Variants in MALRD1 observed in about 807,000 individuals in gnomAD.
MALRD1 encodes MAM and LDL-receptor class A domain-containing protein 1.
A neutral mutation model predicts 242.1 loss-of-function variants in MALRD1; 247 were observed. The observed-to-expected ratio is 1.02, with a 90% CI of 0.92 to 1.13. The LOEUF (loss-of-function observed/expected upper bound fraction) is 1.13. Ranked by LOEUF, MALRD1 falls within the 50% of genes most tolerant of loss-of-function variation. The pLI, the probability that MALRD1 is intolerant of heterozygous loss-of-function variation, is 0.00. For synonymous variants in MALRD1, 995 were observed against 866.6 expected, an observed-to-expected ratio of 1.15 and a Z score of -2.60; for missense variants, 2,989 against 2,533.1, an observed-to-expected ratio of 1.18 and a Z score of -3.86.
intron 33 of MALRD1, among the ~76,000 whole-genome samples, chr10:19,569,133 A>C (rs1836391414): frequency 6.6e-6 from 1 of 152,126 alleles, no homozygotes; most frequent in African/African-American, 2.4e-5. Flanking sequence ...TTCTGCCATA[A>C]TGGCTTTAAT....
intron 18 of MALRD1, among the ~76,000 whole-genome samples, chr10:19,232,702 C>T (rs748046658): frequency 6.6e-6 from 1 of 152,112 alleles, no homozygotes. Flanking sequence ...GAATAGAGAA[C>T]AATTTCATAT....
intron 12 of MALRD1, among the ~76,000 whole-genome samples, chr10:19,165,265 A>ATATATATATATATATATATATATTTTTT: frequency 4.6e-5 from 6 of 130,304 alleles, no homozygotes; most frequent in African/African-American, 1.6e-4. Context: ...ATATATATAT[A>ATATATATATATATATATATATATTTTTT]TTTTGTTTTG....
In MALRD1 at chr10:19,134,057, T is replaced by C. The variant is rs148775807; in HGVS notation, c.1203+109T>C. ...GTTAAATTAGCAGTTAAGTTAGGGA[T>C]GCGTGCTTGTATATTTGGGGAGAGT... On this transcript the variant is annotated intron_variant, in intron 9 of 39. Transcript: ENST00000454679. The C allele has an allele frequency of 3.7e-3, 1,597 of 434,832 alleles. 45 individuals are homozygous for C. In the East Asian group the frequency reaches 0.052, roughly 14 times the overall value. 26.9% of individuals were successfully genotyped at this position (434,832 alleles called of 1,614,324 possible).
chr10:19,625,520 G>C (rs562599349), intron 36 of MALRD1, among the ~76,000 whole-genome samples: 1 of 151,922 alleles, frequency 6.6e-6, no homozygotes, highest in Non-Finnish European at 1.5e-5. Flanking sequence ...TGCAGTGTAC[G>C]AAAAAGGAAA....
At chr10:19,702,636 A>G (rs1206591576) in intron 38 of MALRD1, among the ~76,000 whole-genome samples, 1 of 152,232 alleles carries the variant, frequency 6.6e-6, no homozygotes, top group African/African-American at 2.4e-5. Context: ...TCCATTGATT[A>G]CATCCACATA....
At chr10:19,286,118 T>C (rs899394481) in intron 21 of MALRD1, among the ~76,000 whole-genome samples, 3 of 135,736 alleles carry the variant, frequency 2.2e-5, no homozygotes, top group Non-Finnish European at 4.7e-5. Flanking sequence ...CCTGAGACTT[T>C]GCTGAAGTTG....
At chr10:19,561,795 T>A (rs931878077) in intron 32 of MALRD1, among the ~76,000 whole-genome samples, 1 of 151,954 alleles carries the variant, frequency 6.6e-6, no homozygotes, top group Admixed American at 6.6e-5. Flanking sequence ...TTCTCCCCCA[T>A]GGAGAACTAG....
At chr10:19,465,477 G>A (rs1236523823) in intron 29 of MALRD1, among the ~76,000 whole-genome samples, 1 of 152,112 alleles carries the variant, frequency 6.6e-6, no homozygotes, top group Non-Finnish European at 1.5e-5. Context: ...TCTTAGGGCT[G>A]TTTCTTCACA....
intron 13 of MALRD1, among the ~76,000 whole-genome samples, chr10:19,169,834 A>G (rs1053540699): frequency 2.6e-5 from 4 of 152,202 alleles, no homozygotes; most frequent in Non-Finnish European, 4.4e-5. Flanking sequence ...TGAGTCATTT[A>G]AGGGTGACCT....
intron 26 of MALRD1, among the ~76,000 whole-genome samples, chr10:19,381,997 G>C (rs1002704000): frequency 1.3e-5 from 2 of 152,052 alleles, no homozygotes; most frequent in Non-Finnish European, 2.9e-5. Context: ...TACGAAATTT[G>C]TATGTGTATA....
rs76615200 is a variant in MALRD1 at position 19,470,234 on chromosome 10, T to C, written c.5029+19744T>C. Among the ~76,000 whole-genome samples the C allele has an allele frequency of 4.7e-3, 713 of 152,096 alleles. 7 individuals carry two copies. Among genetic ancestry groups the C allele is most frequent in the Non-Finnish European group, 6.0e-3 (406 of 67,856 alleles). On this transcript the variant is annotated intron_variant, in intron 29 of 39. Transcript: ENST00000454679. ...TGTCTGGCATATTTCACTTAGCTAA[T>C]ACCTTCCAGAGTCACCCATGTTGTC...
chr10:19,476,651 G>A (rs941114313), intron 29 of MALRD1, among the ~76,000 whole-genome samples: 5 of 152,140 alleles, frequency 3.3e-5, no homozygotes, highest in African/African-American at 1.2e-4. Context: ...ATGTGAATAG[G>A]TTAGAGGTGG....
intron 29 of MALRD1, among the ~76,000 whole-genome samples, chr10:19,490,429 C>A (rs1313294097): frequency 6.8e-6 from 1 of 146,880 alleles, no homozygotes; most frequent in African/African-American, 2.5e-5. Context: ...CGAGTACAGG[C>A]ATACCTCTCG....
chr10:19,125,360 T>TCCTTC (rs371166814), intron 7 of MALRD1, among the ~76,000 whole-genome samples: 1 of 116,930 alleles, frequency 8.6e-6, no homozygotes, highest in Non-Finnish European at 1.8e-5. Context: ...TTTCTTTCTT[T>TCCTTC]CTTTCTTTCT....
chr10:19,636,866 TC>T (rs142121309), intron 36 of MALRD1, among the ~76,000 whole-genome samples: 4,166 of 146,046 alleles, frequency 0.029, 185 homozygotes, highest in African/African-American at 0.091. Flanking sequence ...GCCATTGCAC[TC>T]CAGCCTGGGT....
In MALRD1 at chr10:19,720,656, C is replaced by T. The variant is rs190425875; in HGVS notation, c.6315-10050C>T. Reference sequence around the variant, plus strand: ...TCTATTTTCCTGTTCTCAGATTCCCCTTCTCCAACTTCCTACTTCGTATTT... The same window carrying T: ...TCTATTTTCCTGTTCTCAGATTCCCTTTCTCCAACTTCCTACTTCGTATTT... On this transcript the variant is annotated intron_variant, in intron 38 of 39. Coordinates refer to ENST00000454679, the MANE Select transcript of MALRD1 (RefSeq NM_001142308.3). Among the ~76,000 whole-genome samples the T allele has an allele frequency of 2.2e-4, 33 of 152,284 alleles. No individual in the cohort carries two copies. The East Asian group carries it at 5.8e-3, about 27-fold the overall frequency.
intron 18 of MALRD1, among the ~76,000 whole-genome samples, chr10:19,240,650 A>G (rs1370661873): frequency 1.3e-5 from 2 of 151,996 alleles, no homozygotes; most frequent in African/African-American, 2.4e-5. Flanking sequence ...CCTCCATATC[A>G]TAGAGGAAAA....
Position 19,201,222 on chromosome 10 carries a change from C to A in MALRD1, c.1952-2506C>A, listed in dbSNP as rs79471224. On this transcript the variant is annotated intron_variant, in intron 14 of 39. Transcript: ENST00000454679. Reference sequence around the variant, plus strand: ...ATTCAATTAATGGCTAACTAGAAGACTAATTTAATTGATTATTACATTTAT... The same window carrying A: ...ATTCAATTAATGGCTAACTAGAAGAATAATTTAATTGATTATTACATTTAT... Among the ~76,000 whole-genome samples the A allele has an allele frequency of 6.2e-4, 94 of 152,052 alleles. 1 individual carries two copies. The East Asian group carries it at 0.014, about 22-fold the overall frequency.
intron 21 of MALRD1, among the ~76,000 whole-genome samples, chr10:19,296,906 A>G (rs2131942378): frequency 6.6e-6 from 1 of 151,896 alleles, no homozygotes; most frequent in South Asian, 2.1e-4. Context: ...TGTTTTCATA[A>G]GGCTCTCATG....
Sources: allele counts gnomAD v4.1 joint callset (sites outside exome capture counted in the v4.1 genomes callset), GRCh38; gene constraint gnomAD v4.1.1; transcripts MANE v1.5; gene names NCBI Gene and HGNC (gene_info 2026-07-23, HGNC 2026-07-21).